GABRG3: variants seen among roughly 807,000 people sequenced by gnomAD.
GABRG3 encodes gamma-aminobutyric acid type A receptor subunit gamma3.
GABRG3 carries 25 observed loss-of-function variants against 48.8 expected under a neutral mutation model. The ratio of observed to expected loss-of-function variants is 0.51; its 90% CI spans 0.37 to 0.72. The LOEUF (loss-of-function observed/expected upper bound fraction) is 0.72, where lower values mean the gene tolerates loss of function less well. Ranked by LOEUF, GABRG3 falls within the 30% of genes least tolerant of loss-of-function variation. The pLI, the probability that GABRG3 is intolerant of heterozygous loss-of-function variation, is 0.00. For missense variants in GABRG3, 394 were observed against 577.9 expected, an observed-to-expected ratio of 0.68 and a Z score of 3.26; for synonymous variants, 227 against 217.6, an observed-to-expected ratio of 1.04 and a Z score of -0.38.
chr15:27,328,141 A>C (rs1053758373), intron 4 of GABRG3, among the ~76,000 whole-genome samples: 11 of 151,766 alleles, frequency 7.2e-5, no homozygotes, highest in East Asian at 3.9e-4. Flanking sequence ...AAAAAAAAAA[A>C]CACGCCACAG....
intron 6 of GABRG3, among the ~76,000 whole-genome samples, chr15:27,518,896 C>G (rs1418219394): frequency 6.6e-6 from 1 of 152,054 alleles, no homozygotes; most frequent in Non-Finnish European, 1.5e-5. Flanking sequence ...GCAAAAAGGA[C>G]TGGTCATTAG....
intron 5 of GABRG3, among the ~76,000 whole-genome samples, chr15:27,372,158 A>T (rs531073402): frequency 6.6e-6 from 1 of 152,012 alleles, no homozygotes; most frequent in Non-Finnish European, 1.5e-5. Context: ...TATGTTTCAT[A>T]TGAGATATAT....
chr15:27,495,572 A>G (rs1360992826), intron 6 of GABRG3, among the ~76,000 whole-genome samples: 1 of 152,256 alleles, frequency 6.6e-6, no homozygotes, highest in Non-Finnish European at 1.5e-5. Flanking sequence ...AGTCTGTTGT[A>G]TAATTCTTTC....
chr15:27,125,249 A>T (rs953927167), intron 3 of GABRG3, among the ~76,000 whole-genome samples: 2 of 152,172 alleles, frequency 1.3e-5, no homozygotes, highest in African/African-American at 4.8e-5. Flanking sequence ...TGTCACAGAA[A>T]GATAAATATT....
chr15:27,336,479 A>G (rs1471929303), intron 5 of GABRG3, among the ~76,000 whole-genome samples: 1 of 152,230 alleles, frequency 6.6e-6, no homozygotes, highest in Non-Finnish European at 1.5e-5. Context: ...ACAGTAAGCT[A>G]TCACTACATA....
chr15:27,532,487 G>A (rs553415726), intron 9 of GABRG3, 113 bp from the exon 10 acceptor site: 62 of 708,748 alleles, frequency 8.7e-5, no homozygotes, highest in African/African-American at 8.7e-4. Context: ...GCACACCCAC[G>A]CATCCTCTTT....
rs1384190931 is a variant in GABRG3 at position 27,533,705 on chromosome 15, G to A, written c.*824G>A. 1 of 152,174 alleles carries A rather than the reference G, an allele frequency of 6.6e-6. No individual in the cohort carries two copies. The highest frequency in any genetic ancestry group is 1.5e-5 in the Non-Finnish European group (1 of 68,038). The allele number at this position is 152,174 out of a possible 1,614,324, so 9.4% of individuals were successfully genotyped here. On this transcript the variant is annotated 3_prime_UTR_variant, in exon 10 of 10. Transcript: ENST00000615808. ...AGACCAACGCTCAACCCTCGAGTAT[G>A]TGTCCAGCTTATGTTATATTATTAT...
intron 5 of GABRG3, among the ~76,000 whole-genome samples, chr15:27,422,958 A>C (rs1485000038): frequency 1.3e-5 from 2 of 152,004 alleles, no homozygotes; most frequent in Non-Finnish European, 2.9e-5. Context: ...TTCTGAGACC[A>C]CCCCTATCCT....
chr15:27,485,947 G>A (rs1417673866), intron 6 of GABRG3, among the ~76,000 whole-genome samples: 1 of 152,164 alleles, frequency 6.6e-6, no homozygotes, highest in African/African-American at 2.4e-5. Context: ...ACATTTGCAG[G>A]TTAATCCATA....
intron 5 of GABRG3, among the ~76,000 whole-genome samples, chr15:27,397,110 G>T (rs1887324390): frequency 6.6e-6 from 1 of 152,146 alleles, no homozygotes; most frequent in Non-Finnish European, 1.5e-5. Flanking sequence ...CTGCCAGAGT[G>T]TAAGCACAAA....
At chr15:27,516,134 A>G (rs1891014075) in intron 6 of GABRG3, among the ~76,000 whole-genome samples, 2 of 151,302 alleles carry the variant, frequency 1.3e-5, no homozygotes. Context: ...CACCCCTACC[A>G]ACTTCCTTTT....
In GABRG3 at chr15:27,058,827, T is replaced by A. The variant is rs555147430; in HGVS notation, c.270+32006T>A. On this transcript the variant is annotated intron_variant, in intron 3 of 9. Coordinates refer to ENST00000615808, the MANE Select transcript of GABRG3 (RefSeq NM_033223.5). ...GTCTATAAAACTATGCCATATCGTA[T>A]AAAGTAAAATTGCTTCTTAACTATC... Among the ~76,000 whole-genome samples the A allele has an allele frequency of 2.6e-5, 4 of 152,280 alleles. No individual in the cohort carries two copies. The East Asian group carries it at 7.7e-4, about 29-fold the overall frequency.
chr15:27,115,902 A>G (rs1897633172), intron 3 of GABRG3, among the ~76,000 whole-genome samples: 1 of 152,204 alleles, frequency 6.6e-6, no homozygotes, highest in Non-Finnish European at 1.5e-5. Context: ...GGGTAAAGTC[A>G]GATTTTACTC....
chr15:27,491,807 C>G (rs939693571), intron 6 of GABRG3, among the ~76,000 whole-genome samples: 2 of 152,164 alleles, frequency 1.3e-5, no homozygotes, highest in African/African-American at 4.8e-5. Flanking sequence ...TGAAGAATTA[C>G]GAGGACATTG....
intron 5 of GABRG3, among the ~76,000 whole-genome samples, chr15:27,416,257 G>A (rs1199217914): frequency 6.6e-6 from 1 of 152,128 alleles, no homozygotes; most frequent in Admixed American, 6.5e-5. Flanking sequence ...TGTGGGTGGG[G>A]AAACTTCATC....
intron 3 of GABRG3, among the ~76,000 whole-genome samples, chr15:27,098,045 G>T (rs536693709): frequency 1.5e-4 from 23 of 151,372 alleles, no homozygotes; most frequent in African/African-American, 5.3e-4. Flanking sequence ...AAAGAGTTAG[G>T]CCTGAATGAT....
At chr15:27,148,361 C>T (rs1354293288) in intron 3 of GABRG3, among the ~76,000 whole-genome samples, 1 of 151,882 alleles carries the variant, frequency 6.6e-6, no homozygotes, top group Non-Finnish European at 1.5e-5. Flanking sequence ...TAACCAGAAG[C>T]CTTACCATCG....
chr15:27,046,291 G>A (rs1397735554), intron 3 of GABRG3, among the ~76,000 whole-genome samples: 1 of 150,048 alleles, frequency 6.7e-6, no homozygotes, highest in Non-Finnish European at 1.5e-5. Flanking sequence ...TTTTAGTAGA[G>A]ACTGGTTTCT....
chr15:27,211,399 G>A (rs931167461), intron 3 of GABRG3, among the ~76,000 whole-genome samples: 3 of 152,160 alleles, frequency 2.0e-5, no homozygotes, highest in Non-Finnish European at 2.9e-5. Flanking sequence ...CAAATAATCC[G>A]TGAAGCGTGG....
Sources: gnomAD v4.1 joint callset for allele counts (sites outside exome capture counted in the v4.1 genomes callset) on GRCh38, gnomAD v4.1.1 for gene constraint, MANE v1.5 for transcripts, NCBI Gene and HGNC (gene_info 2026-07-23, HGNC 2026-07-21) for gene names.